The following HFM1 variants were observed in gnomAD, a reference collection of about 807,000 sequenced individuals.
HFM1 encodes probable ATP-dependent DNA helicase HFM1.
In HFM1, 169 loss-of-function variants were observed where a neutral mutation model predicts 192.1. The ratio of observed to expected loss-of-function variants is 0.88; its 90% confidence interval spans 0.78 to 1.00. The LOEUF (loss-of-function observed/expected upper bound fraction) is 1.00, where lower values mean the gene tolerates loss of function less well. HFM1 is among the 50% of genes least tolerant of loss of function. The pLI, the probability that HFM1 is intolerant of heterozygous loss-of-function variation, is 0.00. For missense variants in HFM1, 1,661 were observed against 1,668.0 expected (o/e 1.00, Z 0.07); for synonymous variants, 525 against 537.8 (o/e 0.98, Z 0.33).
rs770144973 is a variant in HFM1 at position 91,396,341 on chromosome 1, G to A, written c.136C>T (p.Pro46Ser). The change falls in exon 3 of 39, where the codon CCA becomes TCA. Residue 46 changes from proline to serine, a missense_variant. Physicochemically the swap from Pro to Ser is moderately conservative, Grantham distance 74. Transcript: ENST00000370425. ...LPPAPLISEI[P>S]DTQELEEELE... ...TCTTCCTCTAACTCCTGAGTATCTG[G>A]AATTTCTGAAATCAATGGAGCAGGA... is the stretch of plus-strand genomic sequence containing the variant. 1.9e-6 allele frequency: 3 copies of A among 1,603,772 alleles called. No individual in the cohort carries two copies. Among genetic ancestry groups the A allele is most frequent in the South Asian group, 2.2e-5 (2 of 89,740 alleles).
In HFM1 at chr1:91,337,244, T is replaced by C. The variant is rs527634653; in HGVS notation, c.2335+6186A>G. 8.5e-5 allele frequency among the ~76,000 whole-genome samples: 13 copies of C among 152,172 alleles called. No individual in the cohort carries two copies. In the East Asian group the frequency reaches 2.5e-3, roughly 29 times the overall value. ...CCAGAACAGTTGAAGCGGGAAAAAA[T>C]TGGCCTTTTGAGCCCTTCTCTCAGT... is the stretch of plus-strand genomic sequence containing the variant. On this transcript the variant is annotated intron_variant, in intron 20 of 38. Coordinates refer to ENST00000370425, the MANE Select transcript of HFM1 (RefSeq NM_001017975.6).
At chr1:91,386,823 C>T (rs1160110287) in intron 4 of HFM1, among the ~76,000 whole-genome samples, 2 of 152,154 alleles carry the variant, frequency 1.3e-5, no homozygotes, top group Non-Finnish European at 1.5e-5. Flanking sequence ...CTGCATTTCA[C>T]GCCACAGAAG....
At position 91,315,796 on chromosome 1, in the gene HFM1, T is replaced by A; in HGVS notation, c.3140+19A>T. On this transcript the variant is annotated intron_variant, in intron 28 of 38. Coordinates refer to ENST00000370425, the MANE Select transcript of HFM1 (RefSeq NM_001017975.6). ...ATATGCTTAGAAATAAGATCAAACA[T>A]CAGAAATTTCACACTTACGTAATCT... 6.4e-7 allele frequency: 1 copy of A among 1,571,262 alleles called. No homozygotes were observed. The highest frequency in any genetic ancestry group is 8.7e-7 in the Non-Finnish European group (1 of 1,155,516).
chr1:91,311,971 C>T (rs899646317), intron 30 of HFM1, among the ~76,000 whole-genome samples: 1 of 152,184 alleles, frequency 6.6e-6, no homozygotes, highest in Non-Finnish European at 1.5e-5. Flanking sequence ...GGCTTCAAGG[C>T]TTGTGGAAGC....
intron 15 of HFM1, 38 bp downstream of exon 15, chr1:91,353,013 A>ATATTTTGGAAAAT: frequency 1.5e-6 from 2 of 1,292,712 alleles, no homozygotes; most frequent in Non-Finnish European, 2.2e-6. Context: ...ATTTTCCAAA[A>ATATTTTGGAAAAT]TATTTTATAG....
chr1:91,315,739 T>A, intron 28 of HFM1, 76 bp downstream of exon 28: 1 of 1,030,296 alleles, frequency 9.7e-7, no homozygotes, highest in Non-Finnish European at 1.4e-6. Context: ...GATCTTGTTA[T>A]TTTTTTTTCA....
chr1:91,319,379 G>A lies in HFM1; in HGVS notation c.2594C>T (p.Ala865Val), dbSNP rs747123527. 1.9e-6 allele frequency: 3 copies of A among 1,609,662 alleles called. No homozygotes were observed. The highest frequency in any genetic ancestry group is 1.7e-6 in the Non-Finnish European group (2 of 1,176,126). Reference protein sequence around the residue: ...REMKVNCLIQAQLGCIPIQDF... With the variant: ...REMKVNCLIQVQLGCIPIQDF... ...TTGTATGGGAATGCATCCTAGTTGA[G>A]CCTGAATAAGACTGGGGGAAAGAAA... The change falls in exon 24 of 39, where the codon GCT (alanine) becomes GTT (valine). Residue 865 changes from alanine to valine, a missense_variant. Physicochemically the swap from Ala to Val is moderately conservative, Grantham distance 64. Transcript: ENST00000370425.
chr1:91,394,986 C>G (rs754847997), intron 3 of HFM1, among the ~76,000 whole-genome samples: 50 of 151,764 alleles, frequency 3.3e-4, no homozygotes, highest in Non-Finnish European at 6.3e-4. Flanking sequence ...ATCTATGTAT[C>G]TACATTATAC....
chr1:91,352,557 C>T lies in HFM1; in HGVS notation c.1926G>A (p.Glu642=). ...TCTGTAGAATATCTGTTTCACTGTA[C>T]TCTTCAAACAGTCCTCCAGCATAAT... ...TMHYAGGLFE[E]YSETDILQMI... is the part of the protein sequence containing the mutation. The change falls in exon 16 of 39, where the codon GAG becomes GAA. Residue 642 remains glutamate (E), a synonymous_variant. Coordinates refer to ENST00000370425, the MANE Select transcript of HFM1 (RefSeq NM_001017975.6). 2.5e-6 allele frequency: 4 copies of T among 1,609,194 alleles called. No individual in the cohort carries two copies. The highest frequency in any genetic ancestry group is 2.2e-5 in the East Asian group (1 of 44,732).
intron 3 of HFM1, among the ~76,000 whole-genome samples, chr1:91,395,484 T>A (rs1663548270): frequency 6.6e-6 from 1 of 152,002 alleles, no homozygotes; most frequent in South Asian, 2.1e-4. Context: ...ATGAGGAGGA[T>A]CTGTTTGTTT....
At position 91,272,641 on chromosome 1, in the gene HFM1, G is replaced by T. The variant is rs116954609; in HGVS notation, c.3772+1071C>A. On this transcript the variant is annotated intron_variant, in intron 34 of 38. Transcript: ENST00000370425. Reference sequence around the variant, plus strand: ...TGTTGAACAAAGATAAATATAAGAAGGTTGACAATTTTATACTTCCTATCC... The same window carrying T: ...TGTTGAACAAAGATAAATATAAGAATGTTGACAATTTTATACTTCCTATCC... Among the ~76,000 whole-genome samples the T allele has an allele frequency of 1.3e-4, 20 of 152,102 alleles. No individual in the cohort carries two copies. The East Asian group carries it at 3.5e-3, about 26-fold the overall frequency.
At chr1:91,388,842 A>T (rs898686224) in intron 4 of HFM1, among the ~76,000 whole-genome samples, 1 of 152,182 alleles carries the variant, frequency 6.6e-6, no homozygotes, top group East Asian at 1.9e-4. Context: ...GAAGAACACC[A>T]TCAAAAAAGT....
In HFM1 at chr1:91,299,376, A is replaced by G. The variant is rs1262665337; in HGVS notation, c.3391+13973T>C. On this transcript the variant is annotated intron_variant, in intron 30 of 38. Transcript: ENST00000370425. ...CACTGTCAACATTAGACAGATCAAC[A>G]AGACAGAACGTTAAAAAGGATATCC... Among the ~76,000 whole-genome samples the G allele has an allele frequency of 4.6e-5, 7 of 152,214 alleles. No individual in the cohort carries two copies. In the East Asian group the frequency reaches 7.7e-4, roughly 17 times the overall value.
At chr1:91,326,213 C>T (rs994479448) in intron 20 of HFM1, among the ~76,000 whole-genome samples, 13 of 152,040 alleles carry the variant, frequency 8.6e-5, no homozygotes, top group Non-Finnish European at 1.5e-5. Flanking sequence ...AGCATAGTAT[C>T]ACAGAACATC....
intron 11 of HFM1, 120 bp downstream of exon 11, chr1:91,377,905 T>C (rs1661088001): frequency 1.1e-6 from 1 of 897,610 alleles, no homozygotes; most frequent in East Asian, 2.5e-5. Context: ...CACAACTTTC[T>C]ACAACATACT....
intron 13 of HFM1, among the ~76,000 whole-genome samples, chr1:91,360,656 G>A (rs1015353545): frequency 1.3e-5 from 2 of 152,072 alleles, no homozygotes; most frequent in Non-Finnish European, 2.9e-5. Flanking sequence ...AATTAACAAA[G>A]ATATTCAGGA....
In HFM1 at chr1:91,347,033, CAGG is replaced by C. The variant is rs1346472637; in HGVS notation, c.2254+393_2254+395del. ...GCTACTCAGGAGGATCATTTGAGCTCAGGAGTTCAAGGTTACAATGAGCTATGA... is the reference window on the plus strand; with the variant it reads ...GCTACTCAGGAGGATCATTTGAGCTCAGTTCAAGGTTACAATGAGCTATGA... On this transcript the variant is annotated intron_variant, in intron 19 of 38. Coordinates refer to ENST00000370425, the MANE Select transcript of HFM1 (RefSeq NM_001017975.6). Among the ~76,000 whole-genome samples the C allele has an allele frequency of 5.9e-5, 9 of 152,088 alleles. No individual in the cohort carries two copies. The East Asian group carries it at 1.7e-3, about 29-fold the overall frequency.
intron 13 of HFM1, among the ~76,000 whole-genome samples, chr1:91,373,965 T>A (rs1013314948): frequency 6.9e-4 from 105 of 152,114 alleles, no homozygotes; most frequent in African/African-American, 2.5e-3. Context: ...AAATAACTAT[T>A]AAACAAAAGG....
intron 30 of HFM1, among the ~76,000 whole-genome samples, chr1:91,310,791 C>T (rs1353510746): frequency 6.6e-6 from 1 of 152,190 alleles, no homozygotes; most frequent in Non-Finnish European, 1.5e-5. Context: ...TTTTAACTCC[C>T]ACCATGTGAT....
Sources: allele counts gnomAD v4.1 joint callset (sites outside exome capture counted in the v4.1 genomes callset), GRCh38; gene constraint gnomAD v4.1.1; transcripts MANE v1.5; gene names NCBI Gene and HGNC (gene_info 2026-07-23, HGNC 2026-07-21).